Variants in STK33 observed in about 807,000 individuals in gnomAD.
STK33 encodes serine/threonine kinase 33, also known as serine/threonine-protein kinase 33.
In STK33, 52 loss-of-function variants were observed where a neutral mutation model predicts 58.0. That is an observed-to-expected ratio of 0.90 (90% CI 0.72 to 1.13). The LOEUF (loss-of-function observed/expected upper bound fraction) is 1.13, where lower values mean the gene tolerates loss of function less well. STK33 is among the 50% of genes most tolerant of loss of function. STK33 has a pLI of 0.00. For synonymous variants in STK33, 215 were observed against 200.1 expected (o/e 1.07, Z -0.63); for missense variants, 630 against 604.2 (o/e 1.04, Z -0.45).
intron 1 of STK33, among the ~76,000 whole-genome samples, chr11:8,523,629 C>T (rs1374962275): frequency 6.6e-6 from 1 of 151,554 alleles, no homozygotes; most frequent in Non-Finnish European, 1.5e-5. Flanking sequence ...TGAGGAGCAT[C>T]TCCGCCCGGC....
In STK33 at chr11:8,421,191, T is replaced by C. The variant is rs1234738555; in HGVS notation, c.1147-7499A>G. Among the ~76,000 whole-genome samples the C allele has an allele frequency of 2.0e-5, 3 of 152,194 alleles. No homozygotes were observed. In the East Asian group the frequency reaches 5.8e-4, roughly 29 times the overall value. On this transcript the variant is annotated intron_variant, in intron 14 of 15. Coordinates refer to ENST00000687296, the MANE Select transcript of STK33 (RefSeq NM_001352389.2). Reference sequence around the variant, plus strand: ...TTTTATGTTAGTGCCTTTGGTTATGTTGCTTATGAAATCCTTTCCTACACA... The same window carrying C: ...TTTTATGTTAGTGCCTTTGGTTATGCTGCTTATGAAATCCTTTCCTACACA...
intron 1 of STK33, among the ~76,000 whole-genome samples, chr11:8,494,837 A>C (rs1950924572): frequency 6.6e-6 from 1 of 152,350 alleles, no homozygotes; most frequent in African/African-American, 2.4e-5. Flanking sequence ...AAAAACAAGA[A>C]ATGGGGAAAG....
intron 1 of STK33, among the ~76,000 whole-genome samples, chr11:8,524,862 T>C (rs1447383791): frequency 1.3e-5 from 2 of 151,786 alleles, no homozygotes; most frequent in East Asian, 1.9e-4. Context: ...ATAATAATAG[T>C]AATAATAAAG....
At chr11:8,557,281 G>A (rs374114024) in intron 1 of STK33, among the ~76,000 whole-genome samples, 1,237 of 37,596 alleles carry the variant, frequency 0.033, 356 homozygotes, top group African/African-American at 0.13. Context: ...GGAGGGGAGG[G>A]GAGGGGAGGA....
chr11:8,405,299 T>C (rs1223925142), intron 15 of STK33, among the ~76,000 whole-genome samples: 1 of 152,238 alleles, frequency 6.6e-6, no homozygotes, highest in African/African-American at 2.4e-5. Flanking sequence ...AGTGATATCC[T>C]GTGGTGGACT....
At chr11:8,447,949 C>G (rs1945725628) in intron 11 of STK33, among the ~76,000 whole-genome samples, 1 of 152,168 alleles carries the variant, frequency 6.6e-6, no homozygotes, top group South Asian at 2.1e-4. Context: ...TCTCAGGATA[C>G]AAAATCAATG....
chr11:8,462,125 TAA>T (rs1219133291), intron 7 of STK33, among the ~76,000 whole-genome samples: 1 of 152,176 alleles, frequency 6.6e-6, no homozygotes, highest in Non-Finnish European at 1.5e-5. Flanking sequence ...TGTCCAATTT[TAA>T]GTTACATATA....
At chr11:8,414,293 A>G (rs1018504519) in intron 14 of STK33, among the ~76,000 whole-genome samples, 1 of 152,294 alleles carries the variant, frequency 6.6e-6, no homozygotes, top group East Asian at 1.9e-4. Context: ...AAAATTGACC[A>G]TTTTATATTA....
intron 1 of STK33, among the ~76,000 whole-genome samples, chr11:8,491,133 A>G (rs1273727814): frequency 6.6e-6 from 1 of 152,224 alleles, no homozygotes; most frequent in Admixed American, 6.5e-5. Flanking sequence ...GGTCAGGAAT[A>G]AGAAACTTCT....
chr11:8,584,902 A>C (rs1002551582), intron 1 of STK33, among the ~76,000 whole-genome samples: 60 of 151,366 alleles, frequency 4.0e-4, no homozygotes, highest in African/African-American at 1.4e-3. Context: ...AGAAAATGCT[A>C]CAGACAAAAG....
intron 1 of STK33, among the ~76,000 whole-genome samples, chr11:8,513,946 C>A (rs895645572): frequency 6.6e-6 from 1 of 151,986 alleles, no homozygotes; most frequent in Non-Finnish European, 1.5e-5. Context: ...ACCACCCCCA[C>A]TTCCCCACCC....
chr11:8,339,360 C>T, the STK33 span, among the ~76,000 whole-genome samples: 1 of 152,220 alleles, frequency 6.6e-6, no homozygotes, highest in Middle Eastern at 3.2e-3. Context: ...CTTGTCTCCT[C>T]AGCCCCAAAC....
intron 14 of STK33, among the ~76,000 whole-genome samples, chr11:8,418,278 TC>T (rs536245398): frequency 1.0e-3 from 156 of 152,178 alleles, no homozygotes; most frequent in African/African-American, 3.7e-3. Flanking sequence ...TGTCTGTTGT[TC>T]CCCTCTTTGT....
intron 1 of STK33, among the ~76,000 whole-genome samples, chr11:8,572,485 A>G (rs529453809): frequency 6.6e-6 from 1 of 152,378 alleles, no homozygotes; most frequent in African/African-American, 2.4e-5. Flanking sequence ...CCCAGAAATG[A>G]TACAACTAGC....
chr11:8,434,175 G>T (rs142244696), intron 14 of STK33: 8,186 of 175,080 alleles, frequency 0.047, 275 homozygotes, highest in South Asian at 0.061. Flanking sequence ...TTGAACCCAG[G>T]AGGCAGAGGT....
At chr11:8,507,909 G>C (rs1325157621) in intron 1 of STK33, among the ~76,000 whole-genome samples, 2 of 152,062 alleles carry the variant, frequency 1.3e-5, no homozygotes, top group African/African-American at 4.8e-5. Context: ...TTGTTGTTTT[G>C]AGATGGAGTC....
At chr11:8,532,830 T>C (rs1044869606) in intron 1 of STK33, among the ~76,000 whole-genome samples, 5 of 152,238 alleles carry the variant, frequency 3.3e-5, no homozygotes, top group African/African-American at 9.6e-5. Context: ...ATCTGTTGGA[T>C]AACTGCAACA....
At chr11:8,359,051 C>T in the STK33 span, among the ~76,000 whole-genome samples, 2 of 152,264 alleles carry the variant, frequency 1.3e-5, no homozygotes, top group South Asian at 4.1e-4. Context: ...GTTAGATAAA[C>T]CCAGATTGAG....
At chr11:8,422,384 A>G (rs1360567030) in intron 14 of STK33, among the ~76,000 whole-genome samples, 1 of 152,180 alleles carries the variant, frequency 6.6e-6, no homozygotes, top group African/African-American at 2.4e-5. Context: ...AAGGTTTTAT[A>G]TCTATATTAG....
Sources: gnomAD v4.1 joint callset for allele counts (sites outside exome capture counted in the v4.1 genomes callset) on GRCh38, gnomAD v4.1.1 for gene constraint, MANE v1.5 for transcripts, NCBI Gene and HGNC (gene_info 2026-07-23, HGNC 2026-07-21) for gene names.